Variants in PIAS1 observed in about 807,000 individuals in gnomAD.
The protein encoded by PIAS1 is protein inhibitor of activated STAT 1.
PIAS1 carries 6 observed loss-of-function variants against 71.3 expected under a neutral mutation model. The observed-to-expected ratio is 0.08, with a 90% CI of 0.05 to 0.17. The LOEUF (loss-of-function observed/expected upper bound fraction) is 0.17. Ranked by LOEUF, PIAS1 falls within the 10% of genes least tolerant of loss-of-function variation. PIAS1 has a pLI of 1.00. For synonymous variants in PIAS1, 303 were observed against 292.9 expected (o/e 1.03, Z -0.35); for missense variants, 555 against 793.6 (o/e 0.70, Z 3.61).
rs2093118476 is a variant in PIAS1, at chr15:68,191,253, A to G, written c.*3418A>G. On this transcript the variant is annotated 3_prime_UTR_variant, in exon 14 of 14. Transcript: ENST00000249636. ...TTCCATGAACTTAAATCTGTGATTCATTGCCTTAAAACTTTCTCTCTTAGA... is the reference window on the plus strand; with the variant it reads ...TTCCATGAACTTAAATCTGTGATTCGTTGCCTTAAAACTTTCTCTCTTAGA... 1 of 152,652 alleles carries G rather than the reference A, an allele frequency of 6.6e-6. No individual in the cohort carries two copies. Among genetic ancestry groups the G allele is most frequent in the Admixed American group, 6.5e-5 (1 of 15,286 alleles). 9.5% of individuals were successfully genotyped at this position (152,652 alleles called of 1,614,324 possible).
chr15:68,108,406 A>G (rs2092491197), intron 2 of PIAS1, among the ~76,000 whole-genome samples: 1 of 151,982 alleles, frequency 6.6e-6, no homozygotes. Context: ...CCAGGATTCC[A>G]CACTCTCTTG....
At chr15:68,177,635 C>T (rs2093028687) in intron 11 of PIAS1, among the ~76,000 whole-genome samples, 1 of 152,186 alleles carries the variant, frequency 6.6e-6, no homozygotes, top group African/African-American at 2.4e-5. Context: ...CTCAGCTAAG[C>T]ATGGATGATA....
intron 2 of PIAS1, among the ~76,000 whole-genome samples, chr15:68,125,903 G>C (rs574911222): frequency 5.3e-4 from 80 of 152,148 alleles, no homozygotes; most frequent in African/African-American, 1.9e-3. Context: ...TTGCTATGCT[G>C]ATCTAAGCTG....
intron 2 of PIAS1, among the ~76,000 whole-genome samples, chr15:68,110,415 G>A (rs2092512831): frequency 6.6e-6 from 1 of 152,116 alleles, no homozygotes; most frequent in African/African-American, 2.4e-5. Flanking sequence ...AGCCAACATG[G>A]TGAAACCCCA....
At chr15:68,061,010 G>A (rs1318917383) in intron 1 of PIAS1, among the ~76,000 whole-genome samples, 1 of 152,192 alleles carries the variant, frequency 6.6e-6, no homozygotes, top group East Asian at 1.9e-4. Context: ...AGATAACATA[G>A]GCAATGAAAG....
chr15:68,073,173 G>A (rs768718652), intron 1 of PIAS1, among the ~76,000 whole-genome samples: 30 of 152,096 alleles, frequency 2.0e-4, no homozygotes, highest in Non-Finnish European at 3.4e-4. Flanking sequence ...CTGCCACCAC[G>A]CCCGGCTCAT....
intron 2 of PIAS1, among the ~76,000 whole-genome samples, chr15:68,100,880 T>TTTG (rs1254710531): frequency 7.5e-6 from 1 of 132,852 alleles, no homozygotes; most frequent in African/African-American, 2.8e-5. Context: ...CTCATTGTGT[T>TTTG]TTGTTGTTGT....
At position 68,086,451 on chromosome 15, in the gene PIAS1, T is replaced by C; in HGVS notation, c.170T>C (p.Ile57Thr). 1 of 1,613,912 alleles carries C rather than the reference T, an allele frequency of 6.2e-7. No homozygotes were observed. The highest frequency in any genetic ancestry group is 8.5e-7 in the Non-Finnish European group (1 of 1,179,880). Residue 57 changes from isoleucine (I) to threonine (T), a missense_variant, in exon 2 of 14, where the codon ATT (isoleucine) becomes ACT (threonine). Coordinates refer to ENST00000249636, the MANE Select transcript of PIAS1 (RefSeq NM_016166.3). This position sits in a 1 kb window ranked among gnomAD's most constrained non-coding sequence, Gnocchi z 7.2. ...AGCSPAVQMK[I>T]KELYRRRFPQ... Reference sequence around the variant, plus strand: ...TGTAGTCCTGCTGTGCAAATGAAAATTAAGGAACTCTATAGGCGGCGGTTC... The same window carrying C: ...TGTAGTCCTGCTGTGCAAATGAAAACTAAGGAACTCTATAGGCGGCGGTTC...
At chr15:68,139,087 C>T (rs1024574848) in intron 2 of PIAS1, among the ~76,000 whole-genome samples, 2 of 152,078 alleles carry the variant, frequency 1.3e-5, no homozygotes, top group Non-Finnish European at 2.9e-5. Context: ...TTACATTCTT[C>T]AAAATAATCC....
chr15:68,108,571 T>G (rs1321521784), intron 2 of PIAS1, among the ~76,000 whole-genome samples: 1 of 152,220 alleles, frequency 6.6e-6, no homozygotes, highest in African/African-American at 2.4e-5. Flanking sequence ...TCTCAAGACC[T>G]CTCTCATGAG....
intron 2 of PIAS1, among the ~76,000 whole-genome samples, chr15:68,123,983 TACAC>T (rs10624056): frequency 6.6e-6 from 1 of 151,078 alleles, no homozygotes; most frequent in African/African-American, 2.4e-5. Context: ...TGTGTGAATA[TACAC>T]ACACACACAC....
intron 2 of PIAS1, among the ~76,000 whole-genome samples, chr15:68,098,429 TCATCTTG>T (rs2092396244): frequency 6.6e-6 from 1 of 152,214 alleles, no homozygotes; most frequent in African/African-American, 2.4e-5. Context: ...AGGAGGATTT[TCATCTTG>T]CTGTCTAAGA....
rs1477585421 is a variant in PIAS1 at position 68,176,628 on chromosome 15, T to C, written c.1455T>C (p.Ser485=). Residue 485 remains serine (S), a synonymous_variant, in exon 11 of 14, where the codon TCT becomes TCC. Coordinates refer to ENST00000249636, the MANE Select transcript of PIAS1 (RefSeq NM_016166.3). The part of the protein sequence containing the change: ...PSAKRTCPSL[S]PTSPLNNKGI... Reference sequence around the variant, plus strand: ...CCAAGAGGACCTGTCCTTCCCTATCTCCCACATCACCACTAAATAATAAAG... The same window carrying C: ...CCAAGAGGACCTGTCCTTCCCTATCCCCCACATCACCACTAAATAATAAAG... 5.0e-6 allele frequency: 8 copies of C among 1,602,026 alleles called. No homozygotes were observed. The South Asian group carries it at 8.9e-5, about 18-fold the overall frequency.
intron 11 of PIAS1, among the ~76,000 whole-genome samples, chr15:68,177,608 A>T (rs931797795): frequency 6.6e-6 from 1 of 152,224 alleles, no homozygotes; most frequent in Non-Finnish European, 1.5e-5. Context: ...ATTGTTATCT[A>T]CTTTGTATAA....
At chr15:68,142,075 A>C (rs1207322714) in intron 3 of PIAS1, 45 bp downstream of exon 3, 2 of 1,258,080 alleles carry the variant, frequency 1.6e-6, no homozygotes, top group Admixed American at 1.9e-5. Context: ...CTTTGAATCC[A>C]GTAGTCTATA....
chr15:68,175,000 A>G lies in PIAS1; in HGVS notation c.1170-637A>G, dbSNP rs2093012893. 6.6e-6 allele frequency among the ~76,000 whole-genome samples: 1 copy of G among 152,218 alleles called. No homozygotes were observed. Among genetic ancestry groups the G allele is most frequent in the Non-Finnish European group, 1.5e-5 (1 of 68,032 alleles). On this transcript the variant is annotated intron_variant, in intron 9 of 13. Transcript: ENST00000249636. This position sits in a 1 kb window ranked among gnomAD's most constrained non-coding sequence, Gnocchi z 4.0. Reference sequence around the variant, plus strand: ...CTTGTTATAAAAGCCATGTACACACATACTCTTTTAAAGAAAAATTGGAAA... The same window carrying G: ...CTTGTTATAAAAGCCATGTACACACGTACTCTTTTAAAGAAAAATTGGAAA...
At chr15:68,141,500 T>G (rs1235980561) in intron 2 of PIAS1, among the ~76,000 whole-genome samples, 1 of 152,166 alleles carries the variant, frequency 6.6e-6, no homozygotes, top group Non-Finnish European at 1.5e-5. Context: ...GATGATAAAA[T>G]TCTTAATTTA....
chr15:68,148,133 C>T (rs1363701728), intron 6 of PIAS1, among the ~76,000 whole-genome samples: 1 of 152,130 alleles, frequency 6.6e-6, no homozygotes, highest in Non-Finnish European at 1.5e-5. Context: ...GGTGATTTTA[C>T]AGTGTATCAA....
intron 2 of PIAS1, among the ~76,000 whole-genome samples, chr15:68,088,932 A>C (rs1176296886): frequency 6.6e-6 from 1 of 152,226 alleles, no homozygotes; most frequent in Non-Finnish European, 1.5e-5. Flanking sequence ...AGCTTCCAGC[A>C]TTCTCTTCAT....
Sources: gnomAD v4.1 joint callset for allele counts (sites outside exome capture counted in the v4.1 genomes callset) on GRCh38, gnomAD v4.1.1 for gene constraint, Gnocchi (gnomAD v3.1) non-coding constraint, MANE v1.5 for transcripts, NCBI Gene and HGNC (gene_info 2026-07-23, HGNC 2026-07-21) for gene names.